FAM120B: variants seen among roughly 807,000 people sequenced by gnomAD.
FAM120B encodes family with sequence similarity 120 member B, also known as constitutive coactivator of peroxisome proliferator-activated receptor gamma.
FAM120B carries 83 observed loss-of-function variants against 96.3 expected under a neutral mutation model. The observed-to-expected ratio is 0.86, with a 90% confidence interval of 0.72 to 1.03. FAM120B has a LOEUF of 1.03. FAM120B is among the 50% of genes least tolerant of loss of function. The pLI is 0.00. For missense variants in FAM120B, 1,027 were observed against 1,121.2 expected, an observed-to-expected ratio of 0.92 and a Z score of 1.20; for synonymous variants, 407 against 402.7, an observed-to-expected ratio of 1.01 and a Z score of -0.13.
chr6:170,389,788 G>A (rs1184529905), intron 7 of FAM120B, among the ~76,000 whole-genome samples: 1 of 152,014 alleles, frequency 6.6e-6, no homozygotes, highest in East Asian at 1.9e-4. Context: ...TTGAACTCCT[G>A]GGCTCAAAGT....
At chr6:170,322,980 TA>T in intron 2 of FAM120B, 98 bp from the exon 3 acceptor site, 1 of 1,023,544 alleles carries the variant, frequency 9.8e-7, no homozygotes, top group South Asian at 1.9e-5. Context: ...CTGAGGGCCT[TA>T]AAAAACTGGC....
intron 6 of FAM120B, among the ~76,000 whole-genome samples, chr6:170,372,312 G>C (rs1414809480): frequency 6.6e-6 from 1 of 150,958 alleles, no homozygotes; most frequent in African/African-American, 2.4e-5. Flanking sequence ...TGTTAAAAGA[G>C]TGATTAAATC....
chr6:170,395,880 G>A (rs1790698527), intron 9 of FAM120B, among the ~76,000 whole-genome samples: 1 of 152,108 alleles, frequency 6.6e-6, no homozygotes, highest in Non-Finnish European at 1.5e-5. Flanking sequence ...GTTTACATGT[G>A]GAAGATCCAT....
At chr6:170,374,022 C>CT (rs1789362538) in intron 6 of FAM120B, among the ~76,000 whole-genome samples, 1 of 152,162 alleles carries the variant, frequency 6.6e-6, no homozygotes, top group African/African-American at 2.4e-5. Flanking sequence ...CAGATCATTC[C>CT]TCAGTTCTAC....
upstream of FAM120B, among the ~76,000 whole-genome samples, chr6:170,305,733 A>G (rs1784257977): frequency 1.3e-5 from 2 of 152,242 alleles, no homozygotes; most frequent in African/African-American, 4.8e-5. Flanking sequence ...GTCGTCACTC[A>G]CACGTGCCTG....
Position 170,301,535 on chromosome 6 carries a change from A to C in FAM120B, c.48+6082A>C, listed in dbSNP as rs1784141839. Among the ~76,000 whole-genome samples, 3 of 152,058 alleles carry C rather than the reference A, an allele frequency of 2.0e-5. No homozygotes were observed. In the South Asian group the frequency reaches 6.2e-4, roughly 32 times the overall value. ...TTATGCAAATTTGTTGCCAACTTGA[A>C]TTTCTCCCCCAGAAAATGGGTTTTT... On this transcript the variant is annotated intron_variant, in intron 1 of 10. Transcript: ENST00000537664.
upstream of FAM120B, among the ~76,000 whole-genome samples, chr6:170,305,671 G>C (rs1327220927): frequency 1.3e-5 from 2 of 151,242 alleles, no homozygotes; most frequent in African/African-American, 4.9e-5. Flanking sequence ...ATTAAAAATT[G>C]ACATTTGTCA....
intron 4 of FAM120B, among the ~76,000 whole-genome samples, chr6:170,343,940 C>G (rs1048821475): frequency 6.6e-6 from 1 of 152,176 alleles, no homozygotes; most frequent in Non-Finnish European, 1.5e-5. Context: ...GGCACTGTTG[C>G]CTGCGGTGCT....
intron 3 of FAM120B, among the ~76,000 whole-genome samples, chr6:170,329,584 T>C (rs1379283236): frequency 6.6e-6 from 1 of 151,992 alleles, no homozygotes; most frequent in Non-Finnish European, 1.5e-5. Flanking sequence ...TCATGTTCCT[T>C]TTTTACCGAC....
At chr6:170,361,797 C>CT (rs1237561198) in intron 6 of FAM120B, among the ~76,000 whole-genome samples, 1 of 152,042 alleles carries the variant, frequency 6.6e-6, no homozygotes, top group Non-Finnish European at 1.5e-5. Flanking sequence ...TAGAATCTTT[C>CT]TTTTTTAATT....
At position 170,330,467 on chromosome 6, in the gene FAM120B, T is replaced by C. The variant is rs773629402; in HGVS notation, c.1934T>C (p.Leu645Pro). The C allele has an allele frequency of 1.7e-5, 27 of 1,614,122 alleles. 1 individual carries two copies. In the South Asian group the frequency reaches 1.9e-4, roughly 11 times the overall value. The change falls in exon 4 of 11, where the codon CTA becomes CCA. Residue 645 changes from leucine (L) to proline (P), a missense_variant. Transcript: ENST00000476287. ...TCTTCAGATGTCACCAGCACCTGCC[T>C]AGCTGTCAAGGAGTGGTTTGTGTAT... ...EDCQDVTSTC[L>P]AVKEWFVYPG...
At chr6:170,388,534 G>C (rs780076829) in intron 7 of FAM120B, 41 bp downstream of exon 7, 2 of 1,535,950 alleles carry the variant, frequency 1.3e-6, no homozygotes, top group Non-Finnish European at 1.8e-6. Context: ...AAACATCCCT[G>C]TAGCTCCAGG....
At chr6:170,388,240 G>T (rs1391251440) in intron 6 of FAM120B, 47 bp from the exon 7 acceptor site, 7 of 1,538,720 alleles carry the variant, frequency 4.5e-6, no homozygotes, top group Middle Eastern at 4.5e-4. Flanking sequence ...TTTCCTGCAT[G>T]TGTGACTCCT....
intron 5 of FAM120B, among the ~76,000 whole-genome samples, chr6:170,354,582 AC>A (rs762194150): frequency 3.9e-5 from 6 of 152,168 alleles, no homozygotes; most frequent in Admixed American, 1.3e-4. Context: ...AAGCAAAAAA[AC>A]AATCCCATTA....
In FAM120B at chr6:170,323,198, G is replaced by C. The variant is rs749518462; in HGVS notation, c.1854G>C (p.Gln618His). The C allele has an allele frequency of 5.1e-5, 83 of 1,614,028 alleles. 3 individuals are homozygous for C. The South Asian group carries it at 8.3e-4, about 16-fold the overall frequency. The stretch of plus-strand genomic sequence containing the variant: ...AGCTTGACCAGGCCTTACCCAGCCA[G>C]GCCTTCATTTACCGTCCCATTCGAC... Reference protein sequence around the residue: ...EDELDQALPSQAFIYRPIRQR... With the variant: ...EDELDQALPSHAFIYRPIRQR... The change falls in exon 3 of 11, where the codon CAG becomes CAC. Residue 618 changes from glutamine (Q) to histidine (H), a missense_variant. Gln to His is a conservative substitution (Grantham distance 24, BLOSUM62 0). This residue lies in a region of FAM120B where 880 missense variants were observed against 980.9 expected (regional missense o/e 0.90). Coordinates refer to ENST00000476287, the MANE Select transcript of FAM120B (RefSeq NM_032448.3).
chr6:170,335,934 A>T (rs943949013), intron 4 of FAM120B, among the ~76,000 whole-genome samples: 4 of 151,984 alleles, frequency 2.6e-5, no homozygotes, highest in African/African-American at 9.7e-5. Flanking sequence ...TTCCTTGTAG[A>T]TTCTGGATAT....
At chr6:170,313,051 C>CGGTGATTG (rs1489761445) in intron 1 of FAM120B, among the ~76,000 whole-genome samples, 3 of 152,134 alleles carry the variant, frequency 2.0e-5, no homozygotes, top group Non-Finnish European at 4.4e-5. Flanking sequence ...GAGTCTTTAT[C>CGGTGATTG]GGTGATTGGG....
chr6:170,355,658 C>G (rs1168137892), intron 5 of FAM120B, among the ~76,000 whole-genome samples: 2 of 152,068 alleles, frequency 1.3e-5, no homozygotes, highest in Non-Finnish European at 2.9e-5. Context: ...GTGCAGTAAC[C>G]CATCATGGCA....
intron 6 of FAM120B, among the ~76,000 whole-genome samples, chr6:170,380,708 T>C (rs1171697940): frequency 6.6e-6 from 1 of 152,242 alleles, no homozygotes; most frequent in African/African-American, 2.4e-5. Context: ...TGTTTTTTGC[T>C]GTCGAGTTGT....
Sources: allele counts gnomAD v4.1 joint callset (sites outside exome capture counted in the v4.1 genomes callset), GRCh38; gene constraint gnomAD v4.1.1; regional missense constraint gnomAD v4.1.1; transcripts MANE v1.5; gene names NCBI Gene and HGNC (gene_info 2026-07-23, HGNC 2026-07-21).